The following SLC9A4 variants were observed in gnomAD, a reference collection of about 807,000 sequenced individuals.
SLC9A4 encodes solute carrier family 9 member A4, also known as sodium/hydrogen exchanger 4.
SLC9A4 carries 63 observed loss-of-function variants against 67.4 expected under a neutral mutation model. The ratio of observed to expected loss-of-function variants is 0.93; its 90% CI spans 0.76 to 1.15. The LOEUF (loss-of-function observed/expected upper bound fraction) is 1.15. Ranked by LOEUF, SLC9A4 falls within the 50% of genes most tolerant of loss-of-function variation. The pLI, the probability that SLC9A4 is intolerant of heterozygous loss-of-function variation, is 0.00. For missense variants in SLC9A4, 1,089 were observed against 987.7 expected (o/e 1.10, Z -1.38); for synonymous variants, 393 against 367.2 (o/e 1.07, Z -0.80).
intron 1 of SLC9A4, among the ~76,000 whole-genome samples, chr2:102,477,106 G>T (rs190348435): frequency 2.6e-3 from 401 of 152,288 alleles, no homozygotes; most frequent in Non-Finnish European, 3.6e-3. Flanking sequence ...GGCTCCCCAT[G>T]GCCTATGGCT....
At chr2:102,476,859 A>C (rs1410811166) in intron 1 of SLC9A4, among the ~76,000 whole-genome samples, 1 of 152,166 alleles carries the variant, frequency 6.6e-6, no homozygotes, top group African/African-American at 2.4e-5. Flanking sequence ...AAGAGGAGGA[A>C]GAGGAAATGC....
chr2:102,527,873 G>A (rs1674698486), intron 11 of SLC9A4, among the ~76,000 whole-genome samples: 1 of 151,820 alleles, frequency 6.6e-6, no homozygotes, highest in Non-Finnish European at 1.5e-5. Context: ...TATTTCTTGG[G>A]GTGAAGTTTT....
At chr2:102,488,986 C>G (rs1573332298) in intron 2 of SLC9A4, among the ~76,000 whole-genome samples, 1 of 152,324 alleles carries the variant, frequency 6.6e-6, no homozygotes, top group African/African-American at 2.4e-5. Context: ...GGGTCAGACA[C>G]TGCTTGTTCC....
intron 2 of SLC9A4, among the ~76,000 whole-genome samples, chr2:102,491,673 T>G (rs1684705527): frequency 6.6e-6 from 1 of 152,152 alleles, no homozygotes; most frequent in South Asian, 2.1e-4. Flanking sequence ...GAGATTTGGG[T>G]GGGAACACAG....
In SLC9A4 at chr2:102,479,126, C is replaced by G. The variant is rs767969276; in HGVS notation, c.544C>G (p.Gln182Glu). The change falls in exon 2 of 12, where the codon CAG becomes GAG. Residue 182 changes from glutamine to glutamate, a missense_variant. Coordinates refer to ENST00000295269, the MANE Select transcript of SLC9A4 (RefSeq NM_001011552.4). The part of the protein sequence containing the change: ...GIGLSLYLIC[Q>E]VKAFGLGDVN... ...TGGCCTCTCCCTCTACCTCATCTGC[C>G]AGGTGAAGGCCTTTGGCCTGGGCGA... 3 of 1,614,176 alleles carry G rather than the reference C, an allele frequency of 1.9e-6. No individual in the cohort carries two copies. Among genetic ancestry groups the G allele is most frequent in the South Asian group, 1.1e-5 (1 of 91,066 alleles).
chr2:102,474,148 A>C (rs1302197794), intron 1 of SLC9A4, 133 bp downstream of exon 1: 1 of 1,098,478 alleles, frequency 9.1e-7, no homozygotes, highest in Admixed American at 2.6e-5. Flanking sequence ...TCTTCCCTTC[A>C]GTCAAGGGAA....
intron 8 of SLC9A4, among the ~76,000 whole-genome samples, chr2:102,519,554 C>T (rs561527471): frequency 6.6e-6 from 1 of 152,164 alleles, no homozygotes; most frequent in Non-Finnish European, 1.5e-5. Flanking sequence ...GTTGTACAAA[C>T]ATTTCAGTCT....
intron 1 of SLC9A4, among the ~76,000 whole-genome samples, chr2:102,474,419 T>C (rs1031767790): frequency 1.3e-5 from 2 of 152,192 alleles, no homozygotes; most frequent in Non-Finnish European, 2.9e-5. Flanking sequence ...GGCTGTGTAA[T>C]TGTGGGCTTC....
intron 9 of SLC9A4, among the ~76,000 whole-genome samples, chr2:102,522,686 T>C (rs992336073): frequency 2.0e-5 from 3 of 152,230 alleles, no homozygotes; most frequent in South Asian, 2.1e-4. Flanking sequence ...TAAAAGTTTG[T>C]CTCTATATTC....
chr2:102,473,735 G>GT lies in SLC9A4; in HGVS notation c.-24dup, dbSNP rs1454019894. 1 of 1,611,730 alleles carries GT rather than the reference G, an allele frequency of 6.2e-7. No homozygotes were observed. The highest frequency in any genetic ancestry group is 8.5e-7 in the Non-Finnish European group (1 of 1,179,224). On this transcript the variant is annotated 5_prime_UTR_variant, in exon 1 of 12. The change abolishes the stop of an existing upstream ORF in the 5' untranslated region. Transcript: ENST00000295269. ...ATGTGTGGCACACATCCACACAGGG[G>GT]TGTAGGTAGGAGAAGCCCACAGGAA...
Position 102,479,075 on chromosome 2 carries a change from G to C in SLC9A4, c.493G>C (p.Gly165Arg), listed in dbSNP as rs373602327. 1 of 1,614,074 alleles carries C rather than the reference G, an allele frequency of 6.2e-7. No individual in the cohort carries two copies. The highest frequency in any genetic ancestry group is 8.5e-7 in the Non-Finnish European group (1 of 1,180,036). Residue 165 changes from glycine (G) to arginine (R), a missense_variant, in exon 2 of 12, where the codon GGG becomes CGG. Coordinates refer to ENST00000295269, the MANE Select transcript of SLC9A4 (RefSeq NM_001011552.4). ...CTCCATCCTGTGGTGGGCAGTATTG[G>C]GGGCCCTGATCAACGCCTTGGGCAT... The part of the protein sequence containing the change: ...IGSILWWAVL[G>R]ALINALGIGL...
At chr2:102,490,851 A>G (rs1257878179) in intron 2 of SLC9A4, among the ~76,000 whole-genome samples, 1 of 152,194 alleles carries the variant, frequency 6.6e-6, no homozygotes, top group African/African-American at 2.4e-5. Context: ...TCTTACTTGT[A>G]CTACTTGCCT....
chr2:102,533,074 A>G lies in SLC9A4; in HGVS notation c.*386A>G. The G allele has an allele frequency of 5.7e-6, 1 of 173,950 alleles. No individual in the cohort carries two copies. The allele number at this position is 173,950 out of a possible 1,614,324, so 10.8% of individuals were successfully genotyped here. On this transcript the variant is annotated 3_prime_UTR_variant, in exon 12 of 12. Coordinates refer to ENST00000295269, the MANE Select transcript of SLC9A4 (RefSeq NM_001011552.4). Reference sequence around the variant, plus strand: ...CAACTTATAATCAAATAGAACTAGAAGAGACTTTGAAGTCACCTGACTCAG... The same window carrying G: ...CAACTTATAATCAAATAGAACTAGAGGAGACTTTGAAGTCACCTGACTCAG...
intron 8 of SLC9A4, among the ~76,000 whole-genome samples, chr2:102,516,636 A>G (rs1573351878): frequency 1.3e-5 from 2 of 152,232 alleles, no homozygotes. Context: ...CTATTTGCAC[A>G]GTTTGGATGA....
intron 11 of SLC9A4, among the ~76,000 whole-genome samples, chr2:102,527,671 A>T (rs1674695481): frequency 6.6e-6 from 1 of 152,212 alleles, no homozygotes; most frequent in South Asian, 2.1e-4. Context: ...ATCACAAAAG[A>T]TTATATCACT....
chr2:102,507,315 TA>T (rs1350187972), intron 4 of SLC9A4, among the ~76,000 whole-genome samples: 3 of 152,252 alleles, frequency 2.0e-5, no homozygotes, highest in African/African-American at 7.2e-5. Flanking sequence ...TGGAGAGTTT[TA>T]TTCTACGAAG....
At chr2:102,492,091 G>T (rs1191626451) in intron 2 of SLC9A4, among the ~76,000 whole-genome samples, 1 of 152,238 alleles carries the variant, frequency 6.6e-6, no homozygotes, top group Non-Finnish European at 1.5e-5. Flanking sequence ...GTCTTGGGCA[G>T]CTCTGCCCCT....
intron 9 of SLC9A4, among the ~76,000 whole-genome samples, chr2:102,521,487 C>T (rs919195263): frequency 6.6e-5 from 10 of 152,126 alleles, no homozygotes; most frequent in Admixed American, 4.6e-4. Flanking sequence ...AATTGATAAA[C>T]AGAGGGCAGT....
chr2:102,526,346 G>A lies in SLC9A4; in HGVS notation c.2038G>A (p.Asp680Asn), dbSNP rs776400447. ...GRDTRAAGFS[D>N]DDSSDPGSPS... Reference sequence around the variant, plus strand: ...AGACACAAGGGCTGCTGGGTTCTCAGGTAAGCTGCCCACCTGGCTGCTCTG... The same window carrying A: ...AGACACAAGGGCTGCTGGGTTCTCAAGTAAGCTGCCCACCTGGCTGCTCTG... The change falls in exon 11 of 12, where the codon GAT (aspartate) becomes AAT (asparagine). Residue 680 changes from aspartate (D) to asparagine (N), a missense_variant and splice_region_variant. By Grantham distance (23) the Asp-to-Asn change is conservative. Transcript: ENST00000295269. The A allele has an allele frequency of 5.6e-6, 9 of 1,613,470 alleles. No homozygotes were observed. In the African/African-American group the frequency reaches 6.7e-5, roughly 12 times the overall value.
Sources: allele counts gnomAD v4.1 joint callset (sites outside exome capture counted in the v4.1 genomes callset), GRCh38; gene constraint gnomAD v4.1.1; transcripts MANE v1.5; gene names NCBI Gene and HGNC (gene_info 2026-07-23, HGNC 2026-07-21).